Variants in SYT6 observed in about 807,000 individuals in gnomAD.
SYT6 encodes synaptotagmin-6.
In SYT6, 24 loss-of-function variants were observed where a neutral mutation model predicts 38.4. That is an observed-to-expected ratio of 0.62 (90% CI 0.45 to 0.88). SYT6 has a LOEUF of 0.88. SYT6 is among the 40% of genes least tolerant of loss of function. SYT6 has a pLI of 0.00. For synonymous variants in SYT6, 265 were observed against 241.9 expected, an observed-to-expected ratio of 1.10 and a Z score of -0.89; for missense variants, 611 against 621.0, an observed-to-expected ratio of 0.98 and a Z score of 0.17.
rs201435085 is a variant in SYT6, at chr1:114,099,090, C to A, written c.1364+4G>T. Reference sequence around the variant, plus strand: ...AATTACGTCCCTCTAGGACGCCTACCTACCGATCATAGTCCATGACTGAGA... The same window carrying A: ...AATTACGTCCCTCTAGGACGCCTACATACCGATCATAGTCCATGACTGAGA... On this transcript the variant is annotated splice_donor_region_variant and intron_variant, in intron 5 of 7. Transcript: ENST00000610222. 3 of 1,610,636 alleles carry A rather than the reference C, an allele frequency of 1.9e-6. No individual in the cohort carries two copies. Among genetic ancestry groups the A allele is most frequent in the African/African-American group, 1.3e-5 (1 of 74,960 alleles).
chr1:114,122,996 G>A (rs1055809556), intron 3 of SYT6, among the ~76,000 whole-genome samples: 33 of 152,234 alleles, frequency 2.2e-4, no homozygotes, highest in African/African-American at 7.2e-4. Flanking sequence ...CCTTTTCTCC[G>A]GGGCCCGCGA....
At chr1:114,152,575 G>C (rs1379489358) in intron 1 of SYT6, 1 of 152,176 alleles carries the variant, frequency 6.6e-6, no homozygotes, top group African/African-American at 2.4e-5. Context: ...GAAGCCCCGC[G>C]GCAGCCGGCG....
In SYT6 at chr1:114,153,667, T is replaced by C. The variant is rs1259187269; in HGVS notation, c.106A>G (p.Thr36Ala). The change falls in exon 1 of 8, where the codon ACT (threonine) becomes GCT (alanine). Residue 36 changes from threonine (T) to alanine (A), a missense_variant. By Grantham distance (58) the Thr-to-Ala change is moderately conservative (BLOSUM62 0). Transcript: ENST00000610222. ...RPPPLGLDVE[T>A]CRSFELQPPE... ...GGCTGCAGCTCGAAGCTCCGACAAG[T>C]CTCCACGTCCAGCCCGAGAGGGGGC... is the stretch of plus-strand genomic sequence containing the variant. 1.5e-6 allele frequency: 1 copy of C among 667,094 alleles called. No homozygotes were observed. The highest frequency in any genetic ancestry group is 2.7e-6 in the Non-Finnish European group (1 of 365,376). 41.3% of individuals were successfully genotyped at this position (667,094 alleles called of 1,614,324 possible).
chr1:114,144,225 G>T (rs1304397121), intron 1 of SYT6, among the ~76,000 whole-genome samples: 1 of 152,212 alleles, frequency 6.6e-6, no homozygotes, highest in East Asian at 1.9e-4. Context: ...GTCCTCACCA[G>T]CTCAACCCTC....
intron 3 of SYT6, among the ~76,000 whole-genome samples, chr1:114,105,977 G>A (rs769355867): frequency 1.3e-5 from 2 of 152,148 alleles, no homozygotes; most frequent in African/African-American, 2.4e-5. Flanking sequence ...ATGGTCTAGC[G>A]GGGCGTAACC....
At chr1:114,136,775 T>G (rs965644385) in intron 3 of SYT6, among the ~76,000 whole-genome samples, 2 of 152,216 alleles carry the variant, frequency 1.3e-5, no homozygotes, top group African/African-American at 4.8e-5. Flanking sequence ...GCAAAGGGAC[T>G]CTGCTGTGTG....
intron 3 of SYT6, among the ~76,000 whole-genome samples, chr1:114,106,570 C>T (rs539088938): frequency 6.6e-6 from 1 of 152,276 alleles, no homozygotes; most frequent in Non-Finnish European, 1.5e-5. Context: ...TGGGCCCTGT[C>T]CTACCTCCTC....
chr1:114,104,288 G>A (rs4839361), intron 3 of SYT6, among the ~76,000 whole-genome samples: 33,677 of 152,114 alleles, frequency 0.22, 4,025 homozygotes, highest in Non-Finnish European at 0.28. Flanking sequence ...CCATCTGATG[G>A]CAAGTGTTTG....
At chr1:114,107,858 A>C (rs895235665) in intron 3 of SYT6, among the ~76,000 whole-genome samples, 7 of 152,306 alleles carry the variant, frequency 4.6e-5, no homozygotes, top group Admixed American at 6.5e-5. Flanking sequence ...ACTTCAATAA[A>C]ACAAGGGGTG....
chr1:114,138,428 C>T (rs975376376), intron 2 of SYT6, among the ~76,000 whole-genome samples: 1 of 152,190 alleles, frequency 6.6e-6, no homozygotes, highest in Non-Finnish European at 1.5e-5. Context: ...ACCATCCCTT[C>T]TTATCCTCAA....
chr1:114,113,931 G>A lies in SYT6; in HGVS notation c.1072-10210C>T, dbSNP rs897694552. Among the ~76,000 whole-genome samples the A allele has an allele frequency of 2.6e-5, 4 of 152,092 alleles. No individual in the cohort carries two copies. The East Asian group carries it at 7.7e-4, about 29-fold the overall frequency. Reference sequence around the variant, plus strand: ...AAGATCTACAGGGCCCTCCACGAACGGGGCTGACTCTTCAGCCTCCCCCCG... The same window carrying A: ...AAGATCTACAGGGCCCTCCACGAACAGGGCTGACTCTTCAGCCTCCCCCCG... On this transcript the variant is annotated intron_variant, in intron 3 of 7. Transcript: ENST00000610222.
intron 6 of SYT6, among the ~76,000 whole-genome samples, chr1:114,095,599 G>C (rs1675584493): frequency 6.6e-6 from 1 of 152,190 alleles, no homozygotes; most frequent in Admixed American, 6.5e-5. Context: ...AGCAAAGATG[G>C]GAAGGGCTTA....
intron 3 of SYT6, among the ~76,000 whole-genome samples, chr1:114,136,741 C>G (rs556274706): frequency 6.6e-6 from 1 of 152,308 alleles, no homozygotes; most frequent in East Asian, 1.9e-4. Flanking sequence ...ATCTCCCATA[C>G]CTGACTGGGA....
chr1:114,121,005 C>T (rs780348590), intron 3 of SYT6, among the ~76,000 whole-genome samples: 16 of 152,230 alleles, frequency 1.1e-4, no homozygotes, highest in Non-Finnish European at 2.4e-4. Flanking sequence ...GCTGTCCCTA[C>T]CGCCCTGCCC....
chr1:114,136,724 C>T (rs776179016), intron 3 of SYT6, among the ~76,000 whole-genome samples: 5 of 152,186 alleles, frequency 3.3e-5, no homozygotes, highest in Non-Finnish European at 7.3e-5. Context: ...TTGGGCTGGC[C>T]TCCCCCATCT....
intron 3 of SYT6, among the ~76,000 whole-genome samples, chr1:114,132,929 G>A (rs1024480012): frequency 2.0e-5 from 3 of 152,196 alleles, no homozygotes; most frequent in African/African-American, 4.8e-5. Flanking sequence ...AAGCTAGAAA[G>A]TAAGGAAGCT....
intron 3 of SYT6, among the ~76,000 whole-genome samples, chr1:114,113,038 T>G (rs1352245422): frequency 6.6e-6 from 1 of 152,168 alleles, no homozygotes; most frequent in East Asian, 1.9e-4. Context: ...AGGGCTTTGG[T>G]CTCAGCCAAA....
intron 3 of SYT6, among the ~76,000 whole-genome samples, chr1:114,119,794 G>C (rs1023794623): frequency 1.3e-5 from 2 of 152,184 alleles, no homozygotes; most frequent in South Asian, 4.1e-4. Flanking sequence ...CTCTCAGGCC[G>C]GGCACGGTGG....
At chr1:114,101,185 G>T (rs568845128) in intron 4 of SYT6, among the ~76,000 whole-genome samples, 17 of 152,196 alleles carry the variant, frequency 1.1e-4, no homozygotes, top group African/African-American at 3.9e-4. Flanking sequence ...ACTGTGCCTG[G>T]CTGATATGAA....
Sources: allele counts gnomAD v4.1 joint callset (sites outside exome capture counted in the v4.1 genomes callset), GRCh38; gene constraint gnomAD v4.1.1; transcripts MANE v1.5; gene names NCBI Gene and HGNC (gene_info 2026-07-23, HGNC 2026-07-21).